The following DAGLA variants were observed in gnomAD, a reference collection of about 807,000 sequenced individuals.
DAGLA encodes the protein diacylglycerol lipase-alpha.
A neutral mutation model predicts 102.6 loss-of-function variants in DAGLA; 22 were observed. The ratio of observed to expected loss-of-function variants is 0.21; its 90% CI spans 0.15 to 0.31. The LOEUF is 0.31. Among genes scored for constraint, DAGLA ranks in the 10% least tolerant of loss-of-function variants. The probability of loss-of-function intolerance (pLI) is 1.00; values close to 1 mark genes in which losing one functional copy is unlikely to be tolerated. For synonymous variants in DAGLA, 578 were observed against 628.9 expected, an observed-to-expected ratio of 0.92 and a Z score of 1.21; for missense variants, 927 against 1,446.6, an observed-to-expected ratio of 0.64 and a Z score of 5.83.
At chr11:61,707,081 C>T (rs1028452821) in intron 1 of DAGLA, among the ~76,000 whole-genome samples, 1 of 152,246 alleles carries the variant, frequency 6.6e-6, no homozygotes, top group Non-Finnish European at 1.5e-5. Flanking sequence ...GGCACCAGCC[C>T]CTGGTTGACA....
intron 7 of DAGLA, 32 bp downstream of exon 7, chr11:61,728,319 C>T: frequency 6.2e-7 from 1 of 1,601,876 alleles, no homozygotes; most frequent in Non-Finnish European, 8.5e-7. Flanking sequence ...TCCAGGTCAC[C>T]TCTCCACACC....
intron 5 of DAGLA, among the ~76,000 whole-genome samples, chr11:61,724,880 G>C (rs2065311425): frequency 6.6e-6 from 1 of 152,152 alleles, no homozygotes; most frequent in Admixed American, 6.5e-5. Flanking sequence ...GGTCCCCAGA[G>C]TAGCAATTCC....
At chr11:61,736,840 G>A (rs2065426885) in intron 13 of DAGLA, among the ~76,000 whole-genome samples, 1 of 152,122 alleles carries the variant, frequency 6.6e-6, no homozygotes, top group Admixed American at 6.6e-5. Flanking sequence ...AGAGAGATGG[G>A]GTCAGGTAAC....
chr11:61,722,144 G>A (rs1406008918), intron 3 of DAGLA, among the ~76,000 whole-genome samples: 3 of 152,230 alleles, frequency 2.0e-5, no homozygotes, highest in Non-Finnish European at 4.4e-5. Flanking sequence ...AAGTGAACAC[G>A]CTCTCATCTA....
chr11:61,742,433 C>T (rs2065488606), intron 19 of DAGLA, among the ~76,000 whole-genome samples: 1 of 152,214 alleles, frequency 6.6e-6, no homozygotes, highest in African/African-American at 2.4e-5. Flanking sequence ...AACTGGACGT[C>T]TCTCCCTGCC....
intron 1 of DAGLA, among the ~76,000 whole-genome samples, chr11:61,709,405 C>T (rs1030728633): frequency 6.6e-5 from 10 of 152,254 alleles, no homozygotes; most frequent in Non-Finnish European, 8.8e-5. Flanking sequence ...CACCACGCCC[C>T]GCTAATTTTT....
chr11:61,721,714 C>T (rs554231528), intron 3 of DAGLA, among the ~76,000 whole-genome samples: 39 of 152,354 alleles, frequency 2.6e-4, no homozygotes, highest in African/African-American at 9.1e-4. Flanking sequence ...GTTGCAGCCC[C>T]TTCTGGTCAT....
intron 1 of DAGLA, among the ~76,000 whole-genome samples, chr11:61,695,787 G>C (rs1416049574): frequency 2.0e-5 from 3 of 152,218 alleles, no homozygotes; most frequent in African/African-American, 7.2e-5. Context: ...TAGTGGGGGT[G>C]CTGGGCTCAG....
intron 1 of DAGLA, among the ~76,000 whole-genome samples, chr11:61,710,620 C>T (rs1186202629): frequency 6.6e-6 from 1 of 152,050 alleles, no homozygotes; most frequent in East Asian, 1.9e-4. Flanking sequence ...GGAGTTGGAG[C>T]TCTCCCTTTC....
chr11:61,704,274 A>G (rs899230531), intron 1 of DAGLA, among the ~76,000 whole-genome samples: 3 of 151,680 alleles, frequency 2.0e-5, no homozygotes, highest in South Asian at 2.1e-4. Context: ...GCGTGCCACC[A>G]TGCCCAGCTA....
intron 1 of DAGLA, among the ~76,000 whole-genome samples, chr11:61,693,835 G>A (rs145816842): frequency 7.6e-4 from 115 of 152,276 alleles, no homozygotes; most frequent in African/African-American, 2.6e-3. Context: ...GCTTCACACC[G>A]CTTCTCCCGC....
Position 61,736,321 on chromosome 11 carries a change from G to A in DAGLA, c.1342G>A (p.Val448Ile), listed in dbSNP as rs887239641. The change falls in exon 13 of 20, where the codon GTC (valine) becomes ATC (isoleucine). Residue 448 changes from valine (V) to isoleucine (I), a missense_variant. Physicochemically the swap from Val to Ile is conservative, Grantham distance 29. Coordinates refer to ENST00000257215, the MANE Select transcript of DAGLA (RefSeq NM_006133.3). ...CAAGAAGAAACTGGAGCAGGAGATG[G>A]TCCTGTCCCAGGCCTTTGGGCGAGA... ...YIKKKLEQEM[V>I]LSQAFGRDLG... 2 of 1,614,140 alleles carry A rather than the reference G, an allele frequency of 1.2e-6. No individual in the cohort carries two copies. Among genetic ancestry groups the A allele is most frequent in the Non-Finnish European group, 1.7e-6 (2 of 1,180,002 alleles).
At position 61,738,226 on chromosome 11, in the gene DAGLA, A is replaced by G; in HGVS notation, c.1656+19A>G. On this transcript the variant is annotated intron_variant, in intron 16 of 19. Coordinates refer to ENST00000257215, the MANE Select transcript of DAGLA (RefSeq NM_006133.3). ...GCCCAAAGTGAGCCCCCACCTGGGC[A>G]CCCTGCCTCTGTGCAGCCTCATCTG... 2 of 1,600,796 alleles carry G rather than the reference A, an allele frequency of 1.2e-6. No homozygotes were observed. The highest frequency in any genetic ancestry group is 1.7e-6 in the Non-Finnish European group (2 of 1,173,664).
intron 1 of DAGLA, among the ~76,000 whole-genome samples, chr11:61,700,694 G>A (rs2065103211): frequency 6.6e-6 from 1 of 152,178 alleles, no homozygotes; most frequent in African/African-American, 2.4e-5. Flanking sequence ...CAAGGAGCCG[G>A]GTGCCTCCCT....
chr11:61,699,998 C>G (rs1025564688), intron 1 of DAGLA, among the ~76,000 whole-genome samples: 3 of 152,240 alleles, frequency 2.0e-5, no homozygotes, highest in Non-Finnish European at 4.4e-5. Context: ...CCCACACTGC[C>G]TGCGAATGCC....
intron 1 of DAGLA, among the ~76,000 whole-genome samples, chr11:61,712,313 G>A (rs925789146): frequency 2.6e-5 from 4 of 152,222 alleles, no homozygotes; most frequent in Non-Finnish European, 5.9e-5. Context: ...CCACCCCTGG[G>A]GTTGTAGTGA....
rs750931696 is a variant in DAGLA at position 61,738,259 on chromosome 11, C to T, written c.1656+52C>T. Reference sequence around the variant, plus strand: ...TCTGTGCAGCCTCATCTGTCCCTGCCCTTGACCCCCACCGGTTTCTTGGGA... The same window carrying T: ...TCTGTGCAGCCTCATCTGTCCCTGCTCTTGACCCCCACCGGTTTCTTGGGA... On this transcript the variant is annotated intron_variant, in intron 16 of 19. Coordinates refer to ENST00000257215, the MANE Select transcript of DAGLA (RefSeq NM_006133.3). 4 of 1,466,210 alleles carry T rather than the reference C, an allele frequency of 2.7e-6. No homozygotes were observed. In the African/African-American group the frequency reaches 5.5e-5, roughly 20 times the overall value. The allele number at this position is 1,466,210 out of a possible 1,614,324, so 90.8% of individuals were successfully genotyped here.
At chr11:61,722,712 G>A (rs995809504) in intron 3 of DAGLA, 147 bp from the exon 4 acceptor site, 4 of 651,030 alleles carry the variant, frequency 6.1e-6, no homozygotes, top group Non-Finnish European at 8.1e-6. Flanking sequence ...GGCGGGGGGT[G>A]GGGGGTCTGC....
chr11:61,725,881 G>A lies in DAGLA; in HGVS notation c.549-114G>A, dbSNP rs2065321433. 5 of 972,394 alleles carry A rather than the reference G, an allele frequency of 5.1e-6. No individual in the cohort carries two copies. The South Asian group carries it at 7.0e-5, about 14-fold the overall frequency. 60.2% of individuals were successfully genotyped at this position (972,394 alleles called of 1,614,324 possible). ...CTGTTCTCCCCCAGAACCCACTGCG[G>A]GAACCCTTTGGTAGGGTCCTGGGAA... On this transcript the variant is annotated intron_variant, in intron 5 of 19. Transcript: ENST00000257215.
Sources: gnomAD v4.1 joint callset for allele counts (sites outside exome capture counted in the v4.1 genomes callset) on GRCh38, gnomAD v4.1.1 for gene constraint, MANE v1.5 for transcripts, NCBI Gene and HGNC (gene_info 2026-07-23, HGNC 2026-07-21) for gene names.